The following FAM107B variants were observed in gnomAD, a reference collection of about 807,000 sequenced individuals.
FAM107B encodes protein FAM107B.
Under a neutral mutation model 31.5 loss-of-function variants are expected in FAM107B, and 21 were observed. That is an observed-to-expected ratio of 0.67 (90% confidence interval 0.47 to 0.96). The LOEUF (loss-of-function observed/expected upper bound fraction) is 0.96. FAM107B is among the 40% of genes least tolerant of loss of function. FAM107B has a pLI of 0.00. For synonymous variants in FAM107B, 157 were observed against 141.5 expected (o/e 1.11, Z -0.78); for missense variants, 452 against 377.1 (o/e 1.20, Z -1.64).
intron 1 of FAM107B, among the ~76,000 whole-genome samples, chr10:14,772,937 C>T (rs1833340819): frequency 6.6e-6 from 1 of 152,186 alleles, no homozygotes; most frequent in African/African-American, 2.4e-5. Flanking sequence ...AGAAAGTCTT[C>T]CGGTTCATTA....
At chr10:14,599,982 T>C (rs1477439892) in intron 2 of FAM107B, among the ~76,000 whole-genome samples, 1 of 152,134 alleles carries the variant, frequency 6.6e-6, no homozygotes, top group African/African-American at 2.4e-5. Context: ...AGTCCCAAAG[T>C]CAAGAGTTCA....
intron 2 of FAM107B, among the ~76,000 whole-genome samples, chr10:14,539,952 G>A (rs1848011993): frequency 6.6e-6 from 1 of 152,146 alleles, no homozygotes; most frequent in Non-Finnish European, 1.5e-5. Context: ...TGTCCCCTAG[G>A]TTCAGCCAAC....
intron 1 of FAM107B, among the ~76,000 whole-genome samples, chr10:14,734,774 T>C: frequency 6.6e-6 from 1 of 152,168 alleles, no homozygotes; most frequent in Non-Finnish European, 1.5e-5. Flanking sequence ...AGATGGAGTC[T>C]TGCTCAGTCA....
intron 2 of FAM107B, among the ~76,000 whole-genome samples, chr10:14,632,991 G>A (rs2131421121): frequency 6.6e-6 from 1 of 152,262 alleles, no homozygotes; most frequent in South Asian, 2.1e-4. Flanking sequence ...TCGAGGTCAG[G>A]AGTTCGAGAC....
chr10:14,569,052 A>G (rs1487687603), intron 2 of FAM107B, among the ~76,000 whole-genome samples: 2 of 152,226 alleles, frequency 1.3e-5, no homozygotes, highest in East Asian at 3.8e-4. Flanking sequence ...TCTGAGCTAC[A>G]GAATGAATTT....
chr10:14,590,819 T>TAA lies in FAM107B; in HGVS notation c.470-60306_470-60305dup, dbSNP rs56825676. On this transcript the variant is annotated intron_variant, in intron 2 of 4. Transcript: ENST00000181796. Reference sequence around the variant, plus strand: ...CAACATGGAGAAACCCTGTCTCTACTAAAAAAAAAAAAACACAAAATTAGA... The same window carrying TAA: ...CAACATGGAGAAACCCTGTCTCTACTAAAAAAAAAAAAAAACACAAAATTAGA... 3.9e-3 allele frequency among the ~76,000 whole-genome samples: 550 copies of TAA among 141,670 alleles called. 3 individuals are homozygous for TAA. Among genetic ancestry groups the TAA allele is most frequent in the African/African-American group, 9.1e-3 (349 of 38,156 alleles). 92.9% of individuals were successfully genotyped at this position (141,670 alleles called of 152,430 possible).
chr10:14,554,437 G>A (rs1238865759), intron 2 of FAM107B, among the ~76,000 whole-genome samples: 1 of 152,158 alleles, frequency 6.6e-6, no homozygotes, highest in Non-Finnish European at 1.5e-5. Context: ...GGAATGAGCT[G>A]GGAGAACCAT....
chr10:14,620,962 C>T (rs1352284602), intron 2 of FAM107B, among the ~76,000 whole-genome samples: 2 of 152,136 alleles, frequency 1.3e-5, no homozygotes, highest in Non-Finnish European at 2.9e-5. Context: ...GTAAATTATA[C>T]ATTTTTAGAA....
intron 2 of FAM107B, among the ~76,000 whole-genome samples, chr10:14,650,671 C>A (rs1490529230): frequency 6.6e-6 from 1 of 152,190 alleles, no homozygotes; most frequent in East Asian, 1.9e-4. Context: ...TCCTCCATTC[C>A]ATAAAACTAT....
intron 2 of FAM107B, among the ~76,000 whole-genome samples, chr10:14,627,504 T>C (rs1182818797): frequency 2.0e-5 from 3 of 152,220 alleles, no homozygotes; most frequent in African/African-American, 7.2e-5. Flanking sequence ...CTGGGTGCAA[T>C]GGCTCACGCC....
In FAM107B at chr10:14,699,243, T is replaced by C. The variant is rs1564629801; in HGVS notation, c.412-31552A>G. On this transcript the variant is annotated intron_variant, in intron 1 of 4. Coordinates refer to ENST00000181796, the MANE Select transcript of FAM107B (RefSeq NM_031453.4). ...ATAGAACAAAGAAGCTATAGAGATA[T>C]AGATATTTTGATGGGTTGATGTATT... Among the ~76,000 whole-genome samples, 11 of 152,070 alleles carry C rather than the reference T, an allele frequency of 7.2e-5. No individual in the cohort carries two copies. In the South Asian group the frequency reaches 2.1e-3, roughly 29 times the overall value.
At chr10:14,654,546 C>T (rs559929703) in intron 2 of FAM107B, among the ~76,000 whole-genome samples, 50 of 152,142 alleles carry the variant, frequency 3.3e-4, no homozygotes, top group Non-Finnish European at 5.1e-4. Context: ...TAGCTAGTTT[C>T]GTTTAAGACT....
In FAM107B at chr10:14,521,847, G is replaced by C. The variant is rs768837622; in HGVS notation, c.804+22C>G. 3.1e-6 allele frequency: 5 copies of C among 1,604,726 alleles called. No homozygotes were observed. In the Admixed American group the frequency reaches 8.7e-5, roughly 28 times the overall value. ...TTCAAGACAAAAACAAAAAAAGACA[G>C]CTTCCAGCCAATCCCCCTTACCTGC... On this transcript the variant is annotated intron_variant, in intron 4 of 4. Coordinates refer to ENST00000181796, the MANE Select transcript of FAM107B (RefSeq NM_031453.4).
intron 2 of FAM107B, among the ~76,000 whole-genome samples, chr10:14,541,560 G>A (rs185153304): frequency 1.7e-4 from 26 of 152,162 alleles, no homozygotes; most frequent in East Asian, 7.8e-4. Flanking sequence ...GAGTCTTCCC[G>A]GGGCCTCTCC....
At chr10:14,607,121 C>T (rs1482948595) in intron 2 of FAM107B, among the ~76,000 whole-genome samples, 1 of 152,158 alleles carries the variant, frequency 6.6e-6, no homozygotes, top group Non-Finnish European at 1.5e-5. Flanking sequence ...CGGTCTTTTC[C>T]CTGCCCCGTG....
chr10:14,667,485 G>A (rs1854433695), intron 2 of FAM107B, 149 bp downstream of exon 2: 1 of 709,722 alleles, frequency 1.4e-6, no homozygotes, highest in Non-Finnish European at 2.3e-6. Context: ...GTCGTGCCTG[G>A]AATATATCAC....
Position 14,662,450 on chromosome 10 carries a change from CA to C in FAM107B, c.469+5183del, listed in dbSNP as rs780276115. Among the ~76,000 whole-genome samples, 20 of 150,720 alleles carry C rather than the reference CA, an allele frequency of 1.3e-4. No homozygotes were observed. The East Asian group carries it at 2.2e-3, about 16-fold the overall frequency. On this transcript the variant is annotated intron_variant, in intron 2 of 4. Transcript: ENST00000181796. ...GGAGTGCAGTGGCACAATCATGGCT[CA>C]TTGCAGCTTCGACCACCTGGGCTCA...
Position 14,627,557 on chromosome 10 carries a change from T to G in FAM107B, c.469+40077A>C, listed in dbSNP as rs149762788. 1.4e-3 allele frequency among the ~76,000 whole-genome samples: 215 copies of G among 152,322 alleles called. 2 individuals carry two copies. The highest frequency in any genetic ancestry group is 4.3e-3 in the African/African-American group (178 of 41,568). On this transcript the variant is annotated intron_variant, in intron 2 of 4. Transcript: ENST00000181796. ...GGAAGGCCAAAGTAGGAGGACCACT[T>G]GAGGCCAGGAGTTTGAGACCAGCCT...
At position 14,579,297 on chromosome 10, in the gene FAM107B, C is replaced by T. The variant is rs551621996; in HGVS notation, c.470-48782G>A. On this transcript the variant is annotated intron_variant, in intron 2 of 4. Coordinates refer to ENST00000181796, the MANE Select transcript of FAM107B (RefSeq NM_031453.4). The stretch of plus-strand genomic sequence containing the variant: ...GTAGAATTCCTTGAACAGAGGAAGG[C>T]ACTAAGTCAATGAATGAAAACAAAC... 5.3e-5 allele frequency among the ~76,000 whole-genome samples: 8 copies of T among 152,326 alleles called. No homozygotes were observed. The South Asian group carries it at 1.7e-3, about 32-fold the overall frequency.
Sources: allele counts gnomAD v4.1 joint callset (sites outside exome capture counted in the v4.1 genomes callset), GRCh38; gene constraint gnomAD v4.1.1; transcripts MANE v1.5; gene names NCBI Gene and HGNC (gene_info 2026-07-23, HGNC 2026-07-21).